The following CHURC1 variants were observed in gnomAD, a reference collection of about 807,000 sequenced individuals.
The protein encoded by CHURC1 is churchill domain containing 1, also known as protein Churchill.
Under a neutral mutation model 15.4 loss-of-function variants are expected in CHURC1, and 12 were observed. That is an observed-to-expected ratio of 0.78 (90% confidence interval 0.50 to 1.27). The LOEUF (loss-of-function observed/expected upper bound fraction) is 1.27. Among genes scored for constraint, CHURC1 ranks in the 50% most tolerant of loss-of-function variants. The probability of loss-of-function intolerance (pLI) is 0.00; values close to 1 mark genes in which losing one functional copy is unlikely to be tolerated. For missense variants in CHURC1, 132 were observed against 137.8 expected (o/e 0.96, Z 0.21); for synonymous variants, 42 against 47.5 (o/e 0.88, Z 0.48).
intron 1 of CHURC1, among the ~76,000 whole-genome samples, chr14:64,916,685 C>T (rs928239811): frequency 6.6e-6 from 1 of 152,152 alleles, no homozygotes; most frequent in Non-Finnish European, 1.5e-5. Flanking sequence ...TCATGCCATT[C>T]TCCTGCCTCA....
Position 64,933,759 on chromosome 14 carries a change from T to TA in CHURC1, c.*1530dup. The stretch of plus-strand genomic sequence containing the variant: ...ATTTGGAAATTCTGAACTAAGGTCT[T>TA]ATAAGAACAAGAAATGAGCAAAGTG... On this transcript the variant is annotated 3_prime_UTR_variant, in exon 4 of 4. Coordinates refer to ENST00000549115, the MANE Select transcript of CHURC1 (RefSeq NM_001386928.1). 1 of 985,432 alleles carries TA rather than the reference T, an allele frequency of 1.0e-6. No individual in the cohort carries two copies. The highest frequency in any genetic ancestry group is 1.2e-6 in the Non-Finnish European group (1 of 829,938). The allele number at this position is 985,432 out of a possible 1,614,324, so 61.0% of individuals were successfully genotyped here.
Position 64,932,346 on chromosome 14 carries a change from A to G in CHURC1, c.*116A>G. 6.7e-7 allele frequency: 1 copy of G among 1,491,962 alleles called. No individual in the cohort carries two copies. Among genetic ancestry groups the G allele is most frequent in the Middle Eastern group, 1.8e-4 (1 of 5,588 alleles). The allele number at this position is 1,491,962 out of a possible 1,614,324, so 92.4% of individuals were successfully genotyped here. ...TTCTTTGCATATTTTTTTTCTGCTT[A>G]GACTTACTTATTCTTTGAGGAAAAA... is the stretch of plus-strand genomic sequence containing the variant. On this transcript the variant is annotated 3_prime_UTR_variant, in exon 4 of 4. Coordinates refer to ENST00000549115, the MANE Select transcript of CHURC1 (RefSeq NM_001386928.1).
At chr14:64,924,744 A>T (rs1325918682) in intron 2 of CHURC1, among the ~76,000 whole-genome samples, 1 of 152,206 alleles carries the variant, frequency 6.6e-6, no homozygotes, top group Admixed American at 6.5e-5. Context: ...AAAAAAATCA[A>T]TTCTGAGGTT....
Position 64,932,541 on chromosome 14 carries a change from C to A in CHURC1, c.*311C>A. On this transcript the variant is annotated 3_prime_UTR_variant, in exon 4 of 4. Transcript: ENST00000549115. The stretch of plus-strand genomic sequence containing the variant: ...GATTTTGGTTTCCAATAAAAGGAAC[C>A]AGGACTCCTTAGAAAATGAACTGAT... 1 of 912,760 alleles carries A rather than the reference C, an allele frequency of 1.1e-6. No individual in the cohort carries two copies. Among genetic ancestry groups the A allele is most frequent in the Non-Finnish European group, 1.3e-6 (1 of 741,916 alleles). The allele number at this position is 912,760 out of a possible 1,614,324, so 56.5% of individuals were successfully genotyped here.
chr14:64,934,657 G>A lies in CHURC1; in HGVS notation c.*2427G>A. 1.0e-6 allele frequency: 1 copy of A among 985,398 alleles called. No individual in the cohort carries two copies. Among genetic ancestry groups the A allele is most frequent in the Non-Finnish European group, 1.2e-6 (1 of 829,916 alleles). The allele number at this position is 985,398 out of a possible 1,614,324, so 61.0% of individuals were successfully genotyped here. ...TGACCTGCTGAGGAAATCGTTTGGT[G>A]AAATGAATCCAGAAAGCAGAGAAAA... On this transcript the variant is annotated 3_prime_UTR_variant, in exon 4 of 4. Coordinates refer to ENST00000549115, the MANE Select transcript of CHURC1 (RefSeq NM_001386928.1).
rs758949620 is a variant in CHURC1 at position 64,934,215 on chromosome 14, G to A, written c.*1985G>A. The A allele has an allele frequency of 3.7e-5, 12 of 323,378 alleles. No homozygotes were observed. The highest frequency in any genetic ancestry group is 4.5e-5 in the African/African-American group (2 of 44,372). 20.0% of individuals were successfully genotyped at this position (323,378 alleles called of 1,614,324 possible). On this transcript the variant is annotated 3_prime_UTR_variant, in exon 4 of 4. Coordinates refer to ENST00000549115, the MANE Select transcript of CHURC1 (RefSeq NM_001386928.1). ...AAAACAAAAATTAGCCAGGGGTGGTGGTATGCACCTGCAGTCCCAGCAACA... is the reference window on the plus strand; with the variant it reads ...AAAACAAAAATTAGCCAGGGGTGGTAGTATGCACCTGCAGTCCCAGCAACA...
intron 1 of CHURC1, among the ~76,000 whole-genome samples, chr14:64,920,407 A>G (rs150111291): frequency 8.8e-4 from 134 of 152,312 alleles, no homozygotes; most frequent in South Asian, 2.1e-3. Flanking sequence ...CCTTCCCTGA[A>G]TAATGTGTGC....
Position 64,925,913 on chromosome 14 carries a change from A to G in CHURC1, c.176-97A>G, listed in dbSNP as rs1394872533. ...CTATGTTAAATATGACAGACTTAAG[A>G]TTCTCTTTAAATAATATGCTGAGAA... On this transcript the variant is annotated intron_variant, in intron 2 of 3. Coordinates refer to ENST00000549115, the MANE Select transcript of CHURC1 (RefSeq NM_001386928.1). The G allele has an allele frequency of 8.2e-6, 7 of 854,096 alleles. No homozygotes were observed. In the East Asian group the frequency reaches 1.9e-4, roughly 23 times the overall value. The allele number at this position is 854,096 out of a possible 1,614,324, so 52.9% of individuals were successfully genotyped here. A position where few individuals can be genotyped will look rare whatever the true frequency, so the allele number is the denominator to read the frequency against.
Position 64,914,505 on chromosome 14 carries a change from G to T in CHURC1, c.10G>T (p.Asp4Tyr), listed in dbSNP as rs1398696994. The T allele has an allele frequency of 6.2e-7, 1 of 1,614,150 alleles. No homozygotes were observed. The highest frequency in any genetic ancestry group is 8.5e-7 in the Non-Finnish European group (1 of 1,180,058). ...TGTTGACTGCGTCGCGATGTGTGGCGACTGTGTGGAGAAGGAATATCCCAA... is the reference window on the plus strand; with the variant it reads ...TGTTGACTGCGTCGCGATGTGTGGCTACTGTGTGGAGAAGGAATATCCCAA... MCG[D>Y]CVEKEYPNRG... The change falls in exon 1 of 4, where the codon GAC (aspartate) becomes TAC (tyrosine). Residue 4 changes from aspartate (D) to tyrosine (Y), a missense_variant. Coordinates refer to ENST00000549115, the MANE Select transcript of CHURC1 (RefSeq NM_001386928.1).
At chr14:64,922,432 G>T (rs1036697148) in intron 1 of CHURC1, among the ~76,000 whole-genome samples, 1 of 151,942 alleles carries the variant, frequency 6.6e-6, no homozygotes, top group African/African-American at 2.4e-5. Flanking sequence ...CGAAAAATTA[G>T]CAGGGCGTGG....
At chr14:64,915,901 G>A (rs1883852353) in intron 1 of CHURC1, among the ~76,000 whole-genome samples, 1 of 152,338 alleles carries the variant, frequency 6.6e-6, no homozygotes, top group East Asian at 1.9e-4. Context: ...TAGAGCAGTA[G>A]TTCTCTACCA....
chr14:64,916,347 T>C (rs958254443), intron 1 of CHURC1, among the ~76,000 whole-genome samples: 1 of 152,158 alleles, frequency 6.6e-6, no homozygotes, highest in Non-Finnish European at 1.5e-5. Context: ...TCTTCCCGGG[T>C]GCAAGCAGTG....
At position 64,933,749 on chromosome 14, in the gene CHURC1, A is replaced by G. The variant is rs886835198; in HGVS notation, c.*1519A>G. ...TATCTAGGAGATTTGGAAATTCTGA[A>G]CTAAGGTCTTATAAGAACAAGAAAT... On this transcript the variant is annotated 3_prime_UTR_variant, in exon 4 of 4. Transcript: ENST00000549115. 1.0e-6 allele frequency: 1 copy of G among 985,348 alleles called. No individual in the cohort carries two copies. Among genetic ancestry groups the G allele is most frequent in the African/African-American group, 1.7e-5 (1 of 57,256 alleles). The allele number at this position is 985,348 out of a possible 1,614,324, so 61.0% of individuals were successfully genotyped here. A position where few individuals can be genotyped will look rare whatever the true frequency, so the allele number is the denominator to read the frequency against.
chr14:64,915,074 T>C (rs182169500), intron 1 of CHURC1, among the ~76,000 whole-genome samples: 94 of 152,352 alleles, frequency 6.2e-4, no homozygotes, highest in Non-Finnish European at 1.2e-3. Flanking sequence ...GGTTCAGGAG[T>C]TTGCAAAGCT....
chr14:64,933,439 G>A lies in CHURC1; in HGVS notation c.*1209G>A. The A allele has an allele frequency of 1.0e-6, 1 of 985,452 alleles. No homozygotes were observed. The highest frequency in any genetic ancestry group is 1.2e-6 in the Non-Finnish European group (1 of 829,934). 61.0% of individuals were successfully genotyped at this position (985,452 alleles called of 1,614,324 possible). ...GCATAGTTTCATGAGCACTGGCCAG[G>A]AGGTTATAAACTGGCATTTAGGCCT... On this transcript the variant is annotated 3_prime_UTR_variant, in exon 4 of 4. Transcript: ENST00000549115.
intron 3 of CHURC1, among the ~76,000 whole-genome samples, chr14:64,928,439 G>A (rs192593140): frequency 1.3e-5 from 2 of 152,202 alleles, no homozygotes; most frequent in Non-Finnish European, 2.9e-5. Flanking sequence ...TTGTAGAGAT[G>A]AGATCTCACT....
rs201645575 is a variant in CHURC1 at position 64,924,154 on chromosome 14, G to A, written c.175+28G>A. The A allele has an allele frequency of 2.7e-4, 423 of 1,585,372 alleles. 8 individuals are homozygous for A. In the South Asian group the frequency reaches 3.6e-3, roughly 14 times the overall value. ...AAGTAGACTTTATTTTTTAACCTGA[G>A]TGTGTTAGCAGGTGTCAGCTTTTGG... On this transcript the variant is annotated intron_variant, in intron 2 of 3. Coordinates refer to ENST00000549115, the MANE Select transcript of CHURC1 (RefSeq NM_001386928.1).
At position 64,932,349 on chromosome 14, in the gene CHURC1, C is replaced by T; in HGVS notation, c.*119C>T. ...TTTGCATATTTTTTTTCTGCTTAGA[C>T]TTACTTATTCTTTGAGGAAAAAAGG... is the stretch of plus-strand genomic sequence containing the variant. On this transcript the variant is annotated 3_prime_UTR_variant, in exon 4 of 4. Transcript: ENST00000549115. 6.8e-7 allele frequency: 1 copy of T among 1,469,470 alleles called. No homozygotes were observed. Among genetic ancestry groups the T allele is most frequent in the Non-Finnish European group, 9.0e-7 (1 of 1,108,334 alleles). 91.0% of individuals were successfully genotyped at this position (1,469,470 alleles called of 1,614,324 possible).
chr14:64,916,788 C>T (rs946090437), intron 1 of CHURC1, among the ~76,000 whole-genome samples: 2 of 152,044 alleles, frequency 1.3e-5, no homozygotes, highest in Non-Finnish European at 2.9e-5. Flanking sequence ...CCTTGTTAGC[C>T]AGGATGGTCT....
Sources: allele counts gnomAD v4.1 joint callset (sites outside exome capture counted in the v4.1 genomes callset), GRCh38; gene constraint gnomAD v4.1.1; transcripts MANE v1.5; gene names NCBI Gene and HGNC (gene_info 2026-07-23, HGNC 2026-07-21).